CCDC178: variants seen among roughly 807,000 people sequenced by gnomAD.
CCDC178 encodes the protein coiled-coil domain-containing protein 178.
A neutral mutation model predicts 117.4 loss-of-function variants in CCDC178; 126 were observed. The ratio of observed to expected loss-of-function variants is 1.07; its 90% CI spans 0.93 to 1.24. The LOEUF (loss-of-function observed/expected upper bound fraction) is 1.24. Among genes scored for constraint, CCDC178 ranks in the 50% most tolerant of loss-of-function variants. The pLI, the probability that CCDC178 is intolerant of heterozygous loss-of-function variation, is 0.00. For missense variants in CCDC178, 1,030 were observed against 986.9 expected (o/e 1.04, Z -0.59); for synonymous variants, 283 against 313.4 (o/e 0.90, Z 1.02).
At chr18:33,071,674 T>C (rs2057111463) in intron 21 of CCDC178, among the ~76,000 whole-genome samples, 1 of 152,124 alleles carries the variant, frequency 6.6e-6, no homozygotes, top group African/African-American at 2.4e-5. Flanking sequence ...CTTGAGGAAA[T>C]ATGACCTTAG....
intron 20 of CCDC178, among the ~76,000 whole-genome samples, chr18:33,167,963 T>C (rs114206448): frequency 0.012 from 1,754 of 152,230 alleles, 27 homozygotes; most frequent in African/African-American, 0.037. Flanking sequence ...TGTATTTAAG[T>C]TCCTTATAGG....
chr18:33,296,987 G>A (rs1273435628), intron 11 of CCDC178, among the ~76,000 whole-genome samples: 1 of 152,090 alleles, frequency 6.6e-6, no homozygotes, highest in East Asian at 1.9e-4. Flanking sequence ...TTGTGTCACT[G>A]CACTGCAGCC....
intron 20 of CCDC178, among the ~76,000 whole-genome samples, chr18:33,142,053 C>T (rs1193600522): frequency 6.6e-6 from 1 of 152,038 alleles, no homozygotes; most frequent in Non-Finnish European, 1.5e-5. Flanking sequence ...AAAGCCTATT[C>T]TTTAAACTAT....
chr18:33,113,869 T>C (rs1283113667), intron 20 of CCDC178, among the ~76,000 whole-genome samples: 4 of 152,140 alleles, frequency 2.6e-5, no homozygotes, highest in Non-Finnish European at 4.4e-5. Context: ...ACCTTAGTGG[T>C]GGTTTAGATT....
intron 14 of CCDC178, among the ~76,000 whole-genome samples, chr18:33,254,560 T>A (rs1221589722): frequency 6.6e-6 from 1 of 151,926 alleles, no homozygotes; most frequent in Non-Finnish European, 1.5e-5. Flanking sequence ...AGTGCAATAA[T>A]AAGACAATAA....
intron 21 of CCDC178, among the ~76,000 whole-genome samples, chr18:33,055,619 A>C (rs921642936): frequency 6.6e-6 from 1 of 152,126 alleles, no homozygotes; most frequent in Non-Finnish European, 1.5e-5. Flanking sequence ...TTGAGCCACC[A>C]TGCCCAGCCA....
At chr18:33,024,100 T>C (rs139528866) in intron 21 of CCDC178, among the ~76,000 whole-genome samples, 2 of 152,316 alleles carry the variant, frequency 1.3e-5, no homozygotes, top group East Asian at 1.9e-4. Flanking sequence ...AATCCATAAT[T>C]TGAAAACTTG....
At chr18:33,073,512 T>C (rs1598853341) in intron 21 of CCDC178, among the ~76,000 whole-genome samples, 1 of 69,890 alleles carries the variant, frequency 1.4e-5, no homozygotes. Flanking sequence ...AGCATCTATC[T>C]ATCTATCTAT....
intron 12 of CCDC178, among the ~76,000 whole-genome samples, chr18:33,273,057 A>G (rs2059908724): frequency 6.6e-6 from 1 of 151,044 alleles, no homozygotes; most frequent in Admixed American, 6.6e-5. Flanking sequence ...AAAAATAAAA[A>G]TAAAAATAAA....
At chr18:33,093,631 A>C (rs1361132603) in intron 20 of CCDC178, among the ~76,000 whole-genome samples, 1 of 151,938 alleles carries the variant, frequency 6.6e-6, no homozygotes, top group Non-Finnish European at 1.5e-5. Context: ...ATTGGGGGCT[A>C]TCTATAATTT....
At chr18:32,960,789 G>A (rs749125562) in intron 22 of CCDC178, among the ~76,000 whole-genome samples, 5 of 151,912 alleles carry the variant, frequency 3.3e-5, no homozygotes, top group South Asian at 2.1e-4. Flanking sequence ...AATCCTGCAC[G>A]AACTTTCTAA....
intron 2 of CCDC178, among the ~76,000 whole-genome samples, chr18:33,433,634 A>T (rs1280166955): frequency 6.6e-6 from 1 of 152,192 alleles, no homozygotes; most frequent in African/African-American, 2.4e-5. Context: ...GTGAAGTTTG[A>T]ACAATGTGGT....
intron 3 of CCDC178, among the ~76,000 whole-genome samples, chr18:33,400,193 G>T (rs2063692479): frequency 6.8e-6 from 1 of 146,672 alleles, no homozygotes; most frequent in Admixed American, 7.0e-5. Flanking sequence ...TTTAGCCTTT[G>T]TTGGTTCATT....
At chr18:33,230,504 A>G (rs533946151) in intron 15 of CCDC178, among the ~76,000 whole-genome samples, 4 of 152,268 alleles carry the variant, frequency 2.6e-5, no homozygotes, top group African/African-American at 9.6e-5. Context: ...TTGCCAAATG[A>G]ATAATTTATT....
intron 21 of CCDC178, among the ~76,000 whole-genome samples, chr18:33,043,560 T>G (rs1379909638): frequency 6.6e-6 from 1 of 152,114 alleles, no homozygotes; most frequent in Non-Finnish European, 1.5e-5. Context: ...TTTGTAAAAT[T>G]AAACATAACA....
chr18:33,060,247 A>G (rs936704864), intron 21 of CCDC178, among the ~76,000 whole-genome samples: 2 of 152,140 alleles, frequency 1.3e-5, no homozygotes, highest in African/African-American at 4.8e-5. Context: ...TGGTTGACAA[A>G]TGACATTTTA....
chr18:33,398,033 AC>A (rs1470550112), intron 3 of CCDC178, among the ~76,000 whole-genome samples: 62 of 152,202 alleles, frequency 4.1e-4, no homozygotes, highest in African/African-American at 1.4e-3. Context: ...TATGAGGCCT[AC>A]TTTATTTGTG....
At chr18:33,271,125 T>C (rs1282862557) in intron 12 of CCDC178, among the ~76,000 whole-genome samples, 3 of 151,248 alleles carry the variant, frequency 2.0e-5, no homozygotes, top group Non-Finnish European at 4.4e-5. Flanking sequence ...GTCAAATCAA[T>C]TGCAAAGTAA....
In CCDC178 at chr18:33,412,021, A is replaced by G; in HGVS notation, c.58+10T>C. ...TATTTTCAAAGAAAATCAATTTATG[A>G]TAAACTTACCTATATTGGTTTGATC... is the stretch of plus-strand genomic sequence containing the variant. On this transcript the variant is annotated intron_variant, in intron 3 of 22. Coordinates refer to ENST00000383096, the MANE Select transcript of CCDC178 (RefSeq NM_001105528.4). 1.4e-6 allele frequency: 2 copies of G among 1,380,308 alleles called. No individual in the cohort carries two copies. Among genetic ancestry groups the G allele is most frequent in the East Asian group, 4.8e-5 (2 of 41,850 alleles). The allele number at this position is 1,380,308 out of a possible 1,614,324, so 85.5% of individuals were successfully genotyped here.
Sources: allele counts gnomAD v4.1 joint callset (sites outside exome capture counted in the v4.1 genomes callset), GRCh38; gene constraint gnomAD v4.1.1; transcripts MANE v1.5; gene names NCBI Gene and HGNC (gene_info 2026-07-23, HGNC 2026-07-21).